The following PI4KA variants were observed in gnomAD, a reference collection of about 807,000 sequenced individuals.
PI4KA encodes the protein phosphatidylinositol 4-kinase alpha, also known as PI4-kinase alpha.
PI4KA carries 122 observed loss-of-function variants against 271.4 expected under a neutral mutation model. The observed-to-expected ratio is 0.45, with a 90% CI of 0.39 to 0.52. The LOEUF is 0.52. PI4KA is among the 20% of genes least tolerant of loss of function. The probability of loss-of-function intolerance (pLI) is 0.00; values close to 1 mark genes in which losing one functional copy is unlikely to be tolerated. For missense variants in PI4KA, 1,969 were observed against 2,769.1 expected (o/e 0.71, Z 6.48); for synonymous variants, 1,041 against 1,078.8 (o/e 0.96, Z 0.69).
intron 2 of PI4KA, 66 bp from the exon 3 acceptor site, chr22:20,834,721 C>T: frequency 1.0e-6 from 1 of 974,056 alleles, no homozygotes; most frequent in South Asian, 1.4e-5. Flanking sequence ...GCTTTTTAGC[C>T]CAGATTAAGC....
intron 1 of PI4KA, among the ~76,000 whole-genome samples, chr22:20,847,096 C>T (rs1423482730): frequency 5.4e-5 from 8 of 148,954 alleles, no homozygotes; most frequent in Admixed American, 2.7e-4. Context: ...TGCAGTGAGC[C>T]GAGATCACGC....
At chr22:20,784,236 T>A in intron 19 of PI4KA, 2 of 1,614,144 alleles carry the variant, frequency 1.2e-6, no homozygotes, top group Non-Finnish European at 1.7e-6. Flanking sequence ...CAAAAAAGCA[T>A]GACAAACAGG....
intron 36 of PI4KA, 89 bp from the exon 37 acceptor site, chr22:20,730,100 C>A: frequency 7.0e-7 from 1 of 1,437,120 alleles, no homozygotes; most frequent in Non-Finnish European, 9.5e-7. Flanking sequence ...AGAGATAAAG[C>A]AATTAGTGGC....
At position 20,729,424 on chromosome 22, in the gene PI4KA, C is replaced by T; in HGVS notation, c.4571G>A (p.Ser1524Asn). The change falls in exon 39 of 55, where the codon AGC becomes AAC. Residue 1524 changes from serine to asparagine, a missense_variant. Physicochemically the swap from Ser to Asn is conservative, Grantham distance 46 (BLOSUM62 1). This residue lies in a region of PI4KA where 388 missense variants were observed against 521.5 expected (regional missense o/e 0.74). Transcript: ENST00000255882. The part of the protein sequence containing the change: ...ELELDQAGEN[S>N]VANWRSKYIS... Reference sequence around the variant, plus strand: ...GTACTTAGATCTCCAGTTGGCCACGCTGTTCTCTCCGGCCTGGTCTAGTTC... The same window carrying T: ...GTACTTAGATCTCCAGTTGGCCACGTTGTTCTCTCCGGCCTGGTCTAGTTC... The T allele has an allele frequency of 6.2e-7, 1 of 1,613,438 alleles. No individual in the cohort carries two copies. The highest frequency in any genetic ancestry group is 1.7e-5 in the Admixed American group (1 of 59,942).
intron 32 of PI4KA, among the ~76,000 whole-genome samples, chr22:20,737,409 C>T (rs1429833945): frequency 1.3e-5 from 2 of 151,814 alleles, no homozygotes; most frequent in Non-Finnish European, 1.5e-5. Flanking sequence ...ACTCCAACTG[C>T]CCTGCCCCCA....
chr22:20,737,634 CT>C (rs760945752), intron 32 of PI4KA, among the ~76,000 whole-genome samples: 129 of 141,260 alleles, frequency 9.1e-4, no homozygotes, highest in East Asian at 4.4e-3. Flanking sequence ...TACTCTTTTT[CT>C]TTTTTTTTTT....
Position 20,765,213 on chromosome 22 carries a change from C to G in PI4KA, c.2461G>C (p.Glu821Gln). The G allele has an allele frequency of 6.2e-7, 1 of 1,612,606 alleles. No individual in the cohort carries two copies. Among genetic ancestry groups the G allele is most frequent in the Non-Finnish European group, 8.5e-7 (1 of 1,179,352 alleles). Residue 821 changes from glutamate to glutamine, a missense_variant, in exon 21 of 55, where the codon GAG becomes CAG. Physicochemically the swap from Glu to Gln is conservative, Grantham distance 29. Coordinates refer to ENST00000255882, the MANE Select transcript of PI4KA (RefSeq NM_058004.4). Reference protein sequence around the residue: ...GSGLWPEEWYEGVCEIATKSP... With the variant: ...GSGLWPEEWYQGVCEIATKSP... ...TTAGTGGCTATTTCACAGACCCCCTCGTACCATTCTTCTGGCCAGAGTCCT... is the reference window on the plus strand; with the variant it reads ...TTAGTGGCTATTTCACAGACCCCCTGGTACCATTCTTCTGGCCAGAGTCCT...
chr22:20,737,998 C>T (rs1361793258), intron 32 of PI4KA, among the ~76,000 whole-genome samples: 1 of 152,154 alleles, frequency 6.6e-6, no homozygotes, highest in African/African-American at 2.4e-5. Context: ...GGAATCCTGA[C>T]CATAGCAGCA....
At position 20,733,993 on chromosome 22, in the gene PI4KA, C is replaced by T. The variant is rs904598470; in HGVS notation, c.4052+50G>A. 3.9e-6 allele frequency: 6 copies of T among 1,532,496 alleles called. No homozygotes were observed. In the South Asian group the frequency reaches 7.4e-5, roughly 19 times the overall value. 94.9% of individuals were successfully genotyped at this position (1,532,496 alleles called of 1,614,324 possible). Reference sequence around the variant, plus strand: ...ACCGTGATACACAGACGCCCCATGACACACTGTACACACCAGGGGCCCTGT... The same window carrying T: ...ACCGTGATACACAGACGCCCCATGATACACTGTACACACCAGGGGCCCTGT... On this transcript the variant is annotated intron_variant, in intron 34 of 54. Transcript: ENST00000255882.
At chr22:20,745,609 T>TA (rs940032083) in intron 29 of PI4KA, among the ~76,000 whole-genome samples, 1 of 152,136 alleles carries the variant, frequency 6.6e-6, no homozygotes, top group African/African-American at 2.4e-5. Context: ...CTGGTTTATT[T>TA]AAAAAAATAA....
intron 50 of PI4KA, 141 bp from the exon 51 acceptor site, chr22:20,711,602 A>AGG: frequency 1.1e-6 from 1 of 921,760 alleles, no homozygotes; most frequent in South Asian, 1.6e-5. Flanking sequence ...CGAATCAGCA[A>AGG]GCCAGTCTTC....
chr22:20,824,407 G>A lies in PI4KA; in HGVS notation c.375C>T (p.Leu125=), dbSNP rs1358364946. 1 of 1,611,980 alleles carries A rather than the reference G, an allele frequency of 6.2e-7. No homozygotes were observed. The change falls in exon 4 of 55, where the codon CTC becomes CTT. Residue 125 remains leucine (L), a synonymous_variant. Coordinates refer to ENST00000255882, the MANE Select transcript of PI4KA (RefSeq NM_058004.4). ...AGAAGCTGAAGCTCTCTGCAACCGG[G>A]AGGGCACCTGGAAGATGTAAAAACA... ...ESTARKGRGA[L]PVAESFSFCL...
intron 19 of PI4KA, among the ~76,000 whole-genome samples, chr22:20,780,474 A>T (rs1933683620): frequency 6.6e-6 from 1 of 152,158 alleles, no homozygotes; most frequent in African/African-American, 2.4e-5. Context: ...CAACACATGA[A>T]GTAAAAGGAT....
chr22:20,711,564 T>C (rs1353971625), intron 50 of PI4KA, 103 bp from the exon 51 acceptor site: 15 of 1,189,888 alleles, frequency 1.3e-5, no homozygotes, highest in Non-Finnish European at 1.7e-5. Flanking sequence ...TCTCCCTGGC[T>C]CTGTACCCCC....
At chr22:20,744,457 A>G (rs1444584594) in intron 30 of PI4KA, among the ~76,000 whole-genome samples, 171 bp downstream of exon 30, 2 of 152,140 alleles carry the variant, frequency 1.3e-5, no homozygotes, top group Admixed American at 1.3e-4. Context: ...GGTCATTAAC[A>G]CTCTGGAATG....
In PI4KA at chr22:20,856,023, T is replaced by C. The variant is rs548006435; in HGVS notation, c.156+2547A>G. Among the ~76,000 whole-genome samples, 103 of 152,372 alleles carry C rather than the reference T, an allele frequency of 6.8e-4. 1 individual carries two copies. Among genetic ancestry groups the C allele is most frequent in the African/African-American group, 2.5e-3 (102 of 41,590 alleles). ...ATAGCTAGGCACAGTGGCTCATGCC[T>C]GTAATCCCGGCACTTTGGGAGACCA... On this transcript the variant is annotated intron_variant, in intron 1 of 54. Coordinates refer to ENST00000255882, the MANE Select transcript of PI4KA (RefSeq NM_058004.4).
At position 20,764,407 on chromosome 22, in the gene PI4KA, G is replaced by A. The variant is rs563683470; in HGVS notation, c.2708+410C>T. ...ATCGGGCCACATGCAGGACTGTTTT[G>A]GAGCCGGCCCCACCCCATGTCGCAT... On this transcript the variant is annotated intron_variant, in intron 22 of 54. Coordinates refer to ENST00000255882, the MANE Select transcript of PI4KA (RefSeq NM_058004.4). Among the ~76,000 whole-genome samples the A allele has an allele frequency of 2.8e-4, 43 of 152,294 alleles. 2 individuals carry two copies. In the South Asian group the frequency reaches 8.1e-3, roughly 29 times the overall value.
intron 4 of PI4KA, among the ~76,000 whole-genome samples, chr22:20,823,023 C>T (rs1281446389): frequency 2.0e-5 from 3 of 152,192 alleles, no homozygotes; most frequent in South Asian, 4.1e-4. Context: ...AAGTGATTCT[C>T]ATGCCTCAGC....
chr22:20,727,991 G>A (rs1927570566), intron 39 of PI4KA, 127 bp from the exon 40 acceptor site: 8 of 608,792 alleles, frequency 1.3e-5, no homozygotes, highest in Admixed American at 3.3e-5. Flanking sequence ...ACCAAGTGAC[G>A]GCTTGGGTAC....
Sources: gnomAD v4.1 joint callset for allele counts (sites outside exome capture counted in the v4.1 genomes callset) on GRCh38, gnomAD v4.1.1 for gene constraint, gnomAD v4.1.1 regional missense constraint, MANE v1.5 for transcripts, NCBI Gene and HGNC (gene_info 2026-07-23, HGNC 2026-07-21) for gene names.